The following CA8 variants were observed in gnomAD, a reference collection of about 807,000 sequenced individuals.
The protein encoded by CA8 is carbonic anhydrase-related protein.
Under a neutral mutation model 41.4 loss-of-function variants are expected in CA8, and 22 were observed. The ratio of observed to expected loss-of-function variants is 0.53; its 90% confidence interval spans 0.38 to 0.76. CA8 has a LOEUF of 0.76. Ranked by LOEUF, CA8 falls within the 30% of genes least tolerant of loss-of-function variation. CA8 has a pLI of 0.00. For missense variants in CA8, 270 were observed against 352.8 expected, an observed-to-expected ratio of 0.77 and a Z score of 1.88; for synonymous variants, 121 against 130.6, an observed-to-expected ratio of 0.93 and a Z score of 0.50.
At chr8:60,276,723 C>A (rs1309427707) in intron 2 of CA8, among the ~76,000 whole-genome samples, 1 of 152,144 alleles carries the variant, frequency 6.6e-6, no homozygotes, top group Non-Finnish European at 1.5e-5. Flanking sequence ...ATCCAAGAAA[C>A]AAAACCGCAC....
chr8:60,266,019 T>C lies in CA8; in HGVS notation c.323A>G (p.His108Arg). 1 of 1,613,778 alleles carries C rather than the reference T, an allele frequency of 6.2e-7. No individual in the cohort carries two copies. The highest frequency in any genetic ancestry group is 8.5e-7 in the Non-Finnish European group (1 of 1,179,672). Residue 108 changes from histidine to arginine, a missense_variant, in exon 3 of 9, where the codon CAT (histidine) becomes CGT (arginine). By Grantham distance (29) the His-to-Arg change is conservative (BLOSUM62 0). Coordinates refer to ENST00000317995, the MANE Select transcript of CA8 (RefSeq NM_004056.6). ...VLSGGPLPQG[H>R]EFELYEVRFH... The stretch of plus-strand genomic sequence containing the variant: ...TCTCACTTCGTACAGTTCAAATTCA[T>C]GCCCTTGAGGCAATGGTCCTCCCGA...
chr8:60,279,110 G>T (rs952286188), intron 2 of CA8, among the ~76,000 whole-genome samples: 1 of 132,664 alleles, frequency 7.5e-6, no homozygotes, highest in African/African-American at 3.0e-5. Flanking sequence ...TTCATGGGAT[G>T]GAACTTAAAT....
At chr8:60,264,276 T>TC (rs1332794164) in intron 3 of CA8, among the ~76,000 whole-genome samples, 1 of 152,208 alleles carries the variant, frequency 6.6e-6, no homozygotes, top group Non-Finnish European at 1.5e-5. Flanking sequence ...AGTTCTCGCC[T>TC]CCCCATTTAC....
At chr8:60,278,441 C>T (rs1362251007) in intron 2 of CA8, among the ~76,000 whole-genome samples, 2 of 152,168 alleles carry the variant, frequency 1.3e-5, no homozygotes, top group Non-Finnish European at 2.9e-5. Flanking sequence ...AAGTTCAAAG[C>T]ATCTCAACAC....
intron 3 of CA8, 104 bp from the exon 4 acceptor site, chr8:60,232,483 AC>A: frequency 1.2e-6 from 1 of 821,064 alleles, no homozygotes; most frequent in Non-Finnish European, 2.2e-6. Context: ...GGTATCACAT[AC>A]CACAAGAGGA....
intron 4 of CA8, among the ~76,000 whole-genome samples, chr8:60,231,203 C>T (rs999809708): frequency 6.6e-6 from 1 of 151,984 alleles, no homozygotes; most frequent in Non-Finnish European, 1.5e-5. Flanking sequence ...TTATATAACG[C>T]CGTTATAAAA....
At chr8:60,274,166 T>TTA (rs1804155414) in intron 2 of CA8, among the ~76,000 whole-genome samples, 1 of 151,232 alleles carries the variant, frequency 6.6e-6, no homozygotes, top group African/African-American at 2.4e-5. Context: ...ATTTTTTTTT[T>TTA]AATTTAAGAA....
At chr8:60,192,335 A>G (rs947432594) in intron 8 of CA8, among the ~76,000 whole-genome samples, 2 of 152,176 alleles carry the variant, frequency 1.3e-5, no homozygotes, top group Non-Finnish European at 2.9e-5. Context: ...AGACTCAGAC[A>G]ATATCTACTT....
At chr8:60,239,429 GGAA>G (rs1387508657) in intron 3 of CA8, among the ~76,000 whole-genome samples, 8 of 152,244 alleles carry the variant, frequency 5.3e-5, no homozygotes, top group South Asian at 4.1e-4. Flanking sequence ...GGGCCACACT[GGAA>G]GAAGAAGAAC....
intron 3 of CA8, among the ~76,000 whole-genome samples, chr8:60,252,026 T>G: frequency 6.6e-6 from 1 of 152,228 alleles, no homozygotes; most frequent in Non-Finnish European, 1.5e-5. Context: ...TGGGTAAATG[T>G]AAAATATCCA....
chr8:60,280,983 C>A lies in CA8; in HGVS notation c.100+65G>T. 2.5e-6 allele frequency: 3 copies of A among 1,215,262 alleles called. No individual in the cohort carries two copies. In the South Asian group the frequency reaches 3.6e-5, roughly 15 times the overall value. 75.3% of individuals were successfully genotyped at this position (1,215,262 alleles called of 1,614,324 possible). A position where few individuals can be genotyped will look rare whatever the true frequency, so the allele number is the denominator to read the frequency against. Reference sequence around the variant, plus strand: ...CGCGCAGCGGCAGCAGGACTCGAGTCCCGCGCTCGGCGAGACACTGACGCC... The same window carrying A: ...CGCGCAGCGGCAGCAGGACTCGAGTACCGCGCTCGGCGAGACACTGACGCC... On this transcript the variant is annotated intron_variant, in intron 1 of 8. Transcript: ENST00000317995.
At chr8:60,278,983 T>C (rs1804326660) in intron 2 of CA8, among the ~76,000 whole-genome samples, 1 of 152,232 alleles carries the variant, frequency 6.6e-6, no homozygotes, top group African/African-American at 2.4e-5. Context: ...TTTAAAAATC[T>C]GATTTCCTCT....
At chr8:60,224,656 G>T in intron 5 of CA8, 71 bp from the exon 6 acceptor site, 7 of 986,408 alleles carry the variant, frequency 7.1e-6, no homozygotes, top group South Asian at 1.3e-5. Context: ...AAATCTATTA[G>T]AACTAAAAAA....
intron 5 of CA8, among the ~76,000 whole-genome samples, chr8:60,224,838 T>C (rs1396172622): frequency 6.6e-6 from 1 of 152,130 alleles, no homozygotes; most frequent in Non-Finnish European, 1.5e-5. Context: ...AACCTACACT[T>C]GGTGCCCCAT....
At position 60,219,669 on chromosome 8, in the gene CA8, C is replaced by A. The variant is rs141547754; in HGVS notation, c.738+2980G>T. 2.1e-3 allele frequency among the ~76,000 whole-genome samples: 326 copies of A among 152,216 alleles called. 1 individual carries two copies. The highest frequency in any genetic ancestry group is 7.5e-3 in the African/African-American group (312 of 41,516). ...ATGTAGAAAGGTCTCAAATAAACTG[C>A]AGTGTTGAAGAGGGCACACCAAAAG... On this transcript the variant is annotated intron_variant, in intron 7 of 8. Coordinates refer to ENST00000317995, the MANE Select transcript of CA8 (RefSeq NM_004056.6).
At chr8:60,237,819 C>T (rs568951070) in intron 3 of CA8, among the ~76,000 whole-genome samples, 2 of 152,356 alleles carry the variant, frequency 1.3e-5, no homozygotes, top group Non-Finnish European at 2.9e-5. Context: ...TTTTCCGTAA[C>T]AATTAAAGCT....
chr8:60,240,856 G>A (rs1808002129), intron 3 of CA8, among the ~76,000 whole-genome samples: 1 of 151,914 alleles, frequency 6.6e-6, no homozygotes, highest in Admixed American at 6.6e-5. Flanking sequence ...CTCAGAGGGG[G>A]CTATAAAATT....
At chr8:60,255,307 T>G (rs188774660) in intron 3 of CA8, among the ~76,000 whole-genome samples, 1 of 150,818 alleles carries the variant, frequency 6.6e-6, no homozygotes. Flanking sequence ...TCTCTCGAAT[T>G]AAGCTATGTC....
intron 2 of CA8, among the ~76,000 whole-genome samples, chr8:60,269,987 T>C (rs943561249): frequency 7.9e-5 from 12 of 151,964 alleles, no homozygotes; most frequent in African/African-American, 2.7e-4. Flanking sequence ...GCATGGAGAG[T>C]AGAGCGAAGA....
Sources: gnomAD v4.1 joint callset for allele counts (sites outside exome capture counted in the v4.1 genomes callset) on GRCh38, gnomAD v4.1.1 for gene constraint, MANE v1.5 for transcripts, NCBI Gene and HGNC (gene_info 2026-07-23, HGNC 2026-07-21) for gene names.